Variants in FOLH1 observed in about 807,000 individuals in gnomAD.
The protein encoded by FOLH1 is glutamate carboxypeptidase 2.
FOLH1 carries 54 observed loss-of-function variants against 93.9 expected under a neutral mutation model. The observed-to-expected ratio is 0.57, with a 90% CI of 0.46 to 0.72. The LOEUF (loss-of-function observed/expected upper bound fraction) is 0.72. Ranked by LOEUF, FOLH1 falls within the 30% of genes least tolerant of loss-of-function variation. FOLH1 has a pLI of 0.00. For synonymous variants in FOLH1, 249 were observed against 303.6 expected, an observed-to-expected ratio of 0.82 and a Z score of 1.87; for missense variants, 571 against 892.5, an observed-to-expected ratio of 0.64 and a Z score of 4.59.
chr11:49,156,920 T>C, intron 14 of FOLH1, 113 bp from the exon 15 acceptor site: 1 of 1,537,542 alleles, frequency 6.5e-7, no homozygotes, highest in Non-Finnish European at 8.8e-7. Context: ...ATTTTAAACA[T>C]ACAGCTTTAG....
chr11:49,155,108 T>G (rs964501410), intron 15 of FOLH1, among the ~76,000 whole-genome samples: 2 of 152,086 alleles, frequency 1.3e-5, no homozygotes, highest in African/African-American at 4.8e-5. Flanking sequence ...TTATCACTTT[T>G]GATCATCTTA....
Position 49,157,952 on chromosome 11 carries a change from C to G in FOLH1, c.1532G>C (p.Arg511Thr), listed in dbSNP as rs1196038147. Reference sequence around the variant, plus strand: ...GTGGAAACTTCATTCATTTGTTTACCTGGGCATGCCACTGAACTCTGGGGA... The same window carrying G: ...GTGGAAACTTCATTCATTTGTTTACGTGGGCATGCCACTGAACTCTGGGGA... ...SPSPEFSGMP[R>T]ISKLGSGNDF... is the part of the protein sequence containing the mutation. The change falls in exon 14 of 19, where the codon AGG becomes ACG. Residue 511 changes from arginine (R) to threonine (T), a missense_variant and splice_region_variant. Physicochemically the swap from Arg to Thr is moderately conservative, Grantham distance 71. Transcript: ENST00000256999. The G allele has an allele frequency of 2.9e-5, 45 of 1,576,068 alleles. No individual in the cohort carries two copies. The Admixed American group carries it at 7.9e-4, about 28-fold the overall frequency.
intron 1 of FOLH1, chr11:49,207,688 G>T: frequency 5.7e-6 from 2 of 348,240 alleles, no homozygotes; most frequent in Non-Finnish European, 1.1e-5. Context: ...CGCTGAGAGG[G>T]ACTCGGTAAC....
rs190101603 is a variant in FOLH1 at position 49,208,219 on chromosome 11, C to T, written c.118+73G>A. On this transcript the variant is annotated intron_variant, in intron 1 of 18. Coordinates refer to ENST00000256999, the MANE Select transcript of FOLH1 (RefSeq NM_004476.3). ...CCAGCAACAGGATCCCACTCGGCAG[C>T]TGACCCGCGAGTCCCAGCACCGCGG... The T allele has an allele frequency of 1.6e-3, 1,851 of 1,136,896 alleles. 3 individuals are homozygous for T. The highest frequency in any genetic ancestry group is 2.1e-3 in the Non-Finnish European group (1,719 of 808,682). The allele number at this position is 1,136,896 out of a possible 1,614,324, so 70.4% of individuals were successfully genotyped here.
intron 12 of FOLH1, among the ~76,000 whole-genome samples, chr11:49,166,986 C>T (rs890714352): frequency 3.3e-5 from 5 of 151,870 alleles, no homozygotes; most frequent in Non-Finnish European, 7.4e-5. Context: ...GAGTTTGAAA[C>T]TATCCTGGAC....
In FOLH1 at chr11:49,186,662, T is replaced by C. The variant is rs1861419415; in HGVS notation, c.621A>G (p.Lys207=). ...ACCTTACCTTATTTCCTCTGAAAAC[T>C]TTCCCATATCTGGCAATTACAATTT... ...SGKIVIARYG[K]VFRGNKVKNA... Residue 207 remains lysine, a synonymous_variant, in exon 5 of 19, where the codon AAA becomes AAG. Transcript: ENST00000256999. 1.2e-6 allele frequency: 2 copies of C among 1,613,058 alleles called. No individual in the cohort carries two copies. Among genetic ancestry groups the C allele is most frequent in the Admixed American group, 1.7e-5 (1 of 59,854 alleles).
chr11:49,160,822 C>A (rs1857614047), intron 13 of FOLH1, among the ~76,000 whole-genome samples: 1 of 152,152 alleles, frequency 6.6e-6, no homozygotes, highest in Non-Finnish European at 1.5e-5. Context: ...CCCAGAGATT[C>A]TGGTGTGTCA....
intron 16 of FOLH1, 114 bp downstream of exon 16, chr11:49,154,114 T>A (rs1258239382): frequency 4.1e-6 from 6 of 1,468,866 alleles, no homozygotes; most frequent in Non-Finnish European, 1.8e-6. Context: ...ATAAACAGAA[T>A]ATTGGATCAC....
At chr11:49,190,790 C>T (rs1173925230) in intron 4 of FOLH1, among the ~76,000 whole-genome samples, 2 of 152,086 alleles carry the variant, frequency 1.3e-5, no homozygotes, top group South Asian at 2.1e-4. Flanking sequence ...AGGATTCAGA[C>T]GTAAATTCAA....
At chr11:49,150,847 A>G (rs1012456273) in intron 17 of FOLH1, among the ~76,000 whole-genome samples, 1 of 152,230 alleles carries the variant, frequency 6.6e-6, no homozygotes, top group Non-Finnish European at 1.5e-5. Flanking sequence ...TCATTACAAT[A>G]AGAAAGCATG....
At position 49,172,918 on chromosome 11, in the gene FOLH1, G is replaced by C. The variant is rs150471020; in HGVS notation, c.1225+439C>G. 5.9e-3 allele frequency among the ~76,000 whole-genome samples: 893 copies of C among 152,228 alleles called. 12 individuals carry two copies. Among genetic ancestry groups the C allele is most frequent in the African/African-American group, 0.021 (854 of 41,558 alleles). On this transcript the variant is annotated intron_variant, in intron 10 of 18. Transcript: ENST00000256999. Reference sequence around the variant, plus strand: ...TTTGACAGAATCCCATTAGACCTAAGACCTGTATTTCTCTGAATAGAGCAT... The same window carrying C: ...TTTGACAGAATCCCATTAGACCTAACACCTGTATTTCTCTGAATAGAGCAT...
chr11:49,150,237 T>C (rs1422427131), intron 17 of FOLH1, among the ~76,000 whole-genome samples: 2 of 152,204 alleles, frequency 1.3e-5, no homozygotes, highest in East Asian at 1.9e-4. Flanking sequence ...CAAATGTCAA[T>C]TGTAAATTTT....
At chr11:49,195,692 A>C (rs1862542969) in intron 3 of FOLH1, among the ~76,000 whole-genome samples, 1 of 152,168 alleles carries the variant, frequency 6.6e-6, no homozygotes, top group African/African-American at 2.4e-5. Flanking sequence ...AAATAGCAAA[A>C]GCGCAAACAA....
At chr11:49,158,239 T>C (rs991195209) in intron 13 of FOLH1, among the ~76,000 whole-genome samples, 196 bp from the exon 14 acceptor site, 1 of 152,166 alleles carries the variant, frequency 6.6e-6, no homozygotes, top group Admixed American at 6.5e-5. Flanking sequence ...ATAGGTGAAC[T>C]ATATTATAAA....
intron 17 of FOLH1, among the ~76,000 whole-genome samples, chr11:49,149,255 CTAAAAGTTACT>C (rs908781265): frequency 1.3e-5 from 2 of 152,078 alleles, no homozygotes; most frequent in Non-Finnish European, 2.9e-5. Flanking sequence ...AGATTTAAGT[CTAAAAGTTACT>C]TAAAATTATA....
chr11:49,206,023 T>G, intron 2 of FOLH1, 44 bp downstream of exon 2: 1 of 1,565,976 alleles, frequency 6.4e-7, no homozygotes, highest in Non-Finnish European at 8.6e-7. Context: ...AATGATAAAT[T>G]TTTCTAACAA....
chr11:49,153,386 C>A (rs1856673271), intron 17 of FOLH1, among the ~76,000 whole-genome samples: 1 of 150,964 alleles, frequency 6.6e-6, no homozygotes, highest in Non-Finnish European at 1.5e-5. Context: ...AGAAAGAAAT[C>A]ATGTTTTGAA....
intron 4 of FOLH1, among the ~76,000 whole-genome samples, chr11:49,192,358 A>G (rs2135253520): frequency 6.6e-6 from 1 of 152,352 alleles, no homozygotes; most frequent in South Asian, 2.1e-4. Flanking sequence ...ACAAAGGAAA[A>G]CACAGAGTGA....
chr11:49,205,777 T>C (rs1863849954), intron 2 of FOLH1, among the ~76,000 whole-genome samples: 1 of 152,220 alleles, frequency 6.6e-6, no homozygotes, highest in Non-Finnish European at 1.5e-5. Context: ...GTATTTTCTA[T>C]GACTTCTTTT....
Sources: gnomAD v4.1 joint callset for allele counts (sites outside exome capture counted in the v4.1 genomes callset) on GRCh38, gnomAD v4.1.1 for gene constraint, MANE v1.5 for transcripts, NCBI Gene and HGNC (gene_info 2026-07-23, HGNC 2026-07-21) for gene names.